GALNTL6: variants seen among roughly 807,000 people sequenced by gnomAD.
GALNTL6 encodes the protein polypeptide N-acetylgalactosaminyltransferase-like 6.
Under a neutral mutation model 73.7 loss-of-function variants are expected in GALNTL6, and 46 were observed. That is an observed-to-expected ratio of 0.62 (90% confidence interval 0.49 to 0.80). GALNTL6 has a LOEUF of 0.80. Among genes scored for constraint, GALNTL6 ranks in the 30% least tolerant of loss-of-function variants. The pLI, the probability that GALNTL6 is intolerant of heterozygous loss-of-function variation, is 0.00. For synonymous variants in GALNTL6, 259 were observed against 263.7 expected, an observed-to-expected ratio of 0.98 and a Z score of 0.17; for missense variants, 604 against 755.0, an observed-to-expected ratio of 0.80 and a Z score of 2.34.
At chr4:171,824,049 G>A (rs1053043580) in intron 2 of GALNTL6, among the ~76,000 whole-genome samples, 1 of 142,054 alleles carries the variant, frequency 7.0e-6, no homozygotes, top group Non-Finnish European at 1.5e-5. Context: ...GTATTAAACT[G>A]CTCTTAAGTC....
chr4:172,461,271 G>A (rs543096924), intron 5 of GALNTL6, among the ~76,000 whole-genome samples: 4 of 152,238 alleles, frequency 2.6e-5, no homozygotes, highest in South Asian at 2.1e-4. Flanking sequence ...TGTAGGTGAC[G>A]GGTTGATGAG....
chr4:172,810,501 C>G (rs1187381394), intron 6 of GALNTL6, among the ~76,000 whole-genome samples: 1 of 152,108 alleles, frequency 6.6e-6, no homozygotes, highest in Non-Finnish European at 1.5e-5. Context: ...TAGCAACTGC[C>G]TTCACAATAG....
At chr4:172,035,608 C>A (rs1332115364) in intron 2 of GALNTL6, among the ~76,000 whole-genome samples, 2 of 152,046 alleles carry the variant, frequency 1.3e-5, no homozygotes, top group African/African-American at 4.8e-5. Flanking sequence ...CAAAGTAATA[C>A]AGTTGATTGA....
chr4:172,087,308 G>T (rs549072630), intron 2 of GALNTL6, among the ~76,000 whole-genome samples: 4 of 151,852 alleles, frequency 2.6e-5, no homozygotes, highest in African/African-American at 4.8e-5. Context: ...AGCCGGGCGT[G>T]GGGGTGGGCG....
intron 7 of GALNTL6, among the ~76,000 whole-genome samples, chr4:172,869,156 A>T (rs566604805): frequency 1.3e-5 from 2 of 152,342 alleles, no homozygotes; most frequent in South Asian, 4.1e-4. Flanking sequence ...GGATAAGAAA[A>T]TTGTATTCAG....
chr4:172,396,825 C>T (rs1054908952), intron 5 of GALNTL6, among the ~76,000 whole-genome samples: 2 of 152,148 alleles, frequency 1.3e-5, no homozygotes, highest in African/African-American at 2.4e-5. Flanking sequence ...TAATTTTGCA[C>T]ATTTTATTGA....
chr4:172,372,820 C>T (rs1386165016), intron 5 of GALNTL6, among the ~76,000 whole-genome samples: 3 of 152,050 alleles, frequency 2.0e-5, no homozygotes, highest in African/African-American at 7.2e-5. Flanking sequence ...GATCCATAGT[C>T]GGCAAAAGCT....
rs1025096708 is a variant in GALNTL6, at chr4:172,976,982, G to T, written c.1371+24724G>T. ...AGTAAAATCAGTGCATTTGGTCTCA[G>T]AAAGCTATGTAGACATCAAATGTTC... On this transcript the variant is annotated intron_variant, in intron 10 of 12. Coordinates refer to ENST00000506823, the MANE Select transcript of GALNTL6 (RefSeq NM_001034845.3). 1.6e-4 allele frequency among the ~76,000 whole-genome samples: 25 copies of T among 152,188 alleles called. 1 individual carries two copies. Among genetic ancestry groups the T allele is most frequent in the African/African-American group, 5.8e-4 (24 of 41,454 alleles).
At chr4:172,570,689 CG>C (rs1167473379) in intron 5 of GALNTL6, among the ~76,000 whole-genome samples, 32 of 152,000 alleles carry the variant, frequency 2.1e-4, no homozygotes, top group Non-Finnish European at 1.5e-5. Flanking sequence ...GGGGGTGGTG[CG>C]GGGATGGTTT....
rs1250394137 is a variant in GALNTL6 at position 172,827,105 on chromosome 4, A to G, written c.923+13382A>G. Reference sequence around the variant, plus strand: ...GAGTGCCCACAGATGTCATGTCTCCATCTGCTCTCTTGCATGGTAGGGTCA... The same window carrying G: ...GAGTGCCCACAGATGTCATGTCTCCGTCTGCTCTCTTGCATGGTAGGGTCA... On this transcript the variant is annotated intron_variant, in intron 7 of 12. Coordinates refer to ENST00000506823, the MANE Select transcript of GALNTL6 (RefSeq NM_001034845.3). Among the ~76,000 whole-genome samples, 6 of 152,322 alleles carry G rather than the reference A, an allele frequency of 3.9e-5. No homozygotes were observed. In the East Asian group the frequency reaches 9.7e-4, roughly 25 times the overall value.
At chr4:172,363,995 T>G (rs1848398) in intron 5 of GALNTL6, among the ~76,000 whole-genome samples, 146,017 of 152,206 alleles carry the variant, frequency 0.96, 70,314 homozygotes, top group East Asian at 1. Context: ...AATGTTACAA[T>G]CCCATCATCT....
In GALNTL6 at chr4:172,066,311, G is replaced by T. The variant is rs182799473; in HGVS notation, c.139-163345G>T. Among the ~76,000 whole-genome samples, 20 of 152,132 alleles carry T rather than the reference G, an allele frequency of 1.3e-4. No homozygotes were observed. In the East Asian group the frequency reaches 3.7e-3, roughly 28 times the overall value. ...ATCTCTTTACTATCTCCATAGTTTT[G>T]CTTTTTCCAGAATGTCATATTTTCC... On this transcript the variant is annotated intron_variant, in intron 2 of 12. Coordinates refer to ENST00000506823, the MANE Select transcript of GALNTL6 (RefSeq NM_001034845.3).
intron 2 of GALNTL6, among the ~76,000 whole-genome samples, chr4:172,078,899 C>T (rs528052405): frequency 5.9e-4 from 90 of 152,142 alleles, no homozygotes; most frequent in African/African-American, 2.1e-3. Context: ...TATTTAATCA[C>T]ACATTTATTG....
intron 5 of GALNTL6, among the ~76,000 whole-genome samples, chr4:172,581,428 C>T (rs7672525): frequency 0.48 from 72,553 of 151,986 alleles, 19,002 homozygotes; most frequent in East Asian, 0.67. Context: ...GCCCAGTCTT[C>T]GAGTTCATCA....
intron 5 of GALNTL6, chr4:172,379,945 G>T: frequency 2.9e-6 from 2 of 681,424 alleles, no homozygotes; most frequent in Middle Eastern, 4.0e-4. Flanking sequence ...GTGTTTCTAA[G>T]ACCTTGTCCA....
At chr4:172,139,511 G>A (rs1011040442) in intron 2 of GALNTL6, among the ~76,000 whole-genome samples, 1 of 152,106 alleles carries the variant, frequency 6.6e-6, no homozygotes, top group Admixed American at 6.5e-5. Flanking sequence ...GCCCTAAACT[G>A]GGGTATTAAT....
At chr4:172,676,536 G>A (rs148419083) in intron 5 of GALNTL6, among the ~76,000 whole-genome samples, 167 of 152,172 alleles carry the variant, frequency 1.1e-3, no homozygotes, top group African/African-American at 3.4e-3. Flanking sequence ...CTGTATTTTG[G>A]GCTTGGGTGC....
chr4:171,877,219 T>C (rs1736303135), intron 2 of GALNTL6, among the ~76,000 whole-genome samples: 1 of 152,190 alleles, frequency 6.6e-6, no homozygotes, highest in African/African-American at 2.4e-5. Flanking sequence ...CAAAATGTTC[T>C]GGAAACTACA....
At chr4:172,256,127 A>G (rs993559277) in intron 3 of GALNTL6, among the ~76,000 whole-genome samples, 2 of 151,510 alleles carry the variant, frequency 1.3e-5, no homozygotes, top group African/African-American at 2.4e-5. Flanking sequence ...TAAATCCTCA[A>G]TCTTCATGAA....
Sources: allele counts gnomAD v4.1 joint callset (sites outside exome capture counted in the v4.1 genomes callset), GRCh38; gene constraint gnomAD v4.1.1; transcripts MANE v1.5; gene names NCBI Gene and HGNC (gene_info 2026-07-23, HGNC 2026-07-21).